RRAGB: variants seen among roughly 807,000 people sequenced by gnomAD.
The protein encoded by RRAGB is ras-related GTP-binding protein B.
Under a neutral mutation model 29.3 loss-of-function variants are expected in RRAGB, and 6 were observed. That is an observed-to-expected ratio of 0.21 (90% CI 0.11 to 0.40). RRAGB has a LOEUF of 0.40. Among genes scored for constraint, RRAGB ranks in the 10% least tolerant of loss-of-function variants. RRAGB has a pLI of 1.00. For synonymous variants in RRAGB, 101 were observed against 92.5 expected (o/e 1.09, Z -0.53); for missense variants, 184 against 272.9 (o/e 0.67, Z 2.29).
intron 3 of RRAGB, among the ~76,000 whole-genome samples, chrX:55,723,013 A>G (rs2033341280): frequency 9.0e-6 from 1 of 111,449 alleles, no homozygotes; most frequent in African/African-American, 3.3e-5. Context: ...TTTCAAGAAC[A>G]ACATTTTAAA....
chrX:55,732,161 C>CA (rs2033705248), intron 5 of RRAGB, among the ~76,000 whole-genome samples: 1 of 111,638 alleles, frequency 9.0e-6, no homozygotes, highest in Non-Finnish European at 1.9e-5. Context: ...CATTCCCCTA[C>CA]AAAAAAACAA....
chrX:55,743,674 C>T (rs1298478543), intron 5 of RRAGB, among the ~76,000 whole-genome samples: 1 of 112,364 alleles, frequency 8.9e-6, no homozygotes, highest in Non-Finnish European at 1.9e-5. Flanking sequence ...ACATTTTTCA[C>T]CCATTCAGAA....
At chrX:55,734,954 T>G (rs1270831382) in intron 5 of RRAGB, among the ~76,000 whole-genome samples, 9 of 112,605 alleles carry the variant, frequency 8.0e-5, no homozygotes, top group Non-Finnish European at 1.5e-4. Context: ...TGGAATTGAT[T>G]TCTGGTTTTA....
intron 2 of RRAGB, among the ~76,000 whole-genome samples, chrX:55,721,848 A>G (rs2033290776): frequency 8.9e-6 from 1 of 112,625 alleles, no homozygotes; most frequent in African/African-American, 3.2e-5. Context: ...ACATTGGGTT[A>G]TGATAGAACA....
chrX:55,727,269 T>C (rs771874439), intron 3 of RRAGB: 1 of 1,152,321 alleles, frequency 8.7e-7, no homozygotes, highest in Non-Finnish European at 1.2e-6. Context: ...TTATTGTCTT[T>C]CCCTTTCTCA....
At chrX:55,740,322 C>CAAAAAAAAAAAAA (rs542846613) in intron 5 of RRAGB, among the ~76,000 whole-genome samples, 1 of 92,441 alleles carries the variant, frequency 1.1e-5, no homozygotes, top group African/African-American at 4.0e-5. Flanking sequence ...GACTCCATCT[C>CAAAAAAAAAAAAA]AAAAAAAAAA....
chrX:55,744,268 C>T (rs1251709186), intron 5 of RRAGB, among the ~76,000 whole-genome samples: 5 of 106,537 alleles, frequency 4.7e-5, no homozygotes, highest in African/African-American at 1.0e-4. Flanking sequence ...GTGTGCCATG[C>T]GCCTGTAGTC....
In RRAGB at chrX:55,742,275, A is replaced by G. The variant is rs533015770; in HGVS notation, c.517-8826A>G. Among the ~76,000 whole-genome samples the G allele has an allele frequency of 2.8e-4, 32 of 112,534 alleles. No individual in the cohort carries two copies. In the South Asian group the frequency reaches 0.011, roughly 38 times the overall value. ...GTCACGTGATTTTTAACTGGTCTTT[A>G]TAACTGCCTTATTCAGTTCCAGATT... On this transcript the variant is annotated intron_variant, in intron 5 of 9. Transcript: ENST00000374941.
intron 5 of RRAGB, among the ~76,000 whole-genome samples, chrX:55,741,604 T>C (rs745386220): frequency 4.5e-5 from 5 of 111,682 alleles, no homozygotes; most frequent in African/African-American, 1.6e-4. Flanking sequence ...TATCTTAGGG[T>C]TCTCCAGGGA....
At chrX:55,727,308 A>G (rs889555101) in intron 3 of RRAGB, 14 of 1,165,523 alleles carry the variant, frequency 1.2e-5, no homozygotes, top group Non-Finnish European at 1.6e-5. Context: ...TTTTTTTAGT[A>G]CTAGACCGTA....
chrX:55,758,374 TAA>T lies in RRAGB; in HGVS notation c.*34_*35del, dbSNP rs771252851. 10 of 1,024,624 alleles carry T rather than the reference TAA, an allele frequency of 9.8e-6. No homozygotes were observed. The highest frequency in any genetic ancestry group is 1.4e-5 in the Non-Finnish European group (10 of 737,140). The allele number at this position is 1,024,624 out of a possible 1,213,427, so 84.4% of individuals were successfully genotyped here. On this transcript the variant is annotated 3_prime_UTR_variant, in exon 10 of 10. Coordinates refer to ENST00000374941, the MANE Select transcript of RRAGB (RefSeq NM_006064.5). ...GATGAATATTGTTTCACACAAAAATTAAAAGTTTCCTAATTAATGTTGTATTC... is the reference window on the plus strand; with the variant it reads ...GATGAATATTGTTTCACACAAAAATTAAGTTTCCTAATTAATGTTGTATTC...
intron 4 of RRAGB, among the ~76,000 whole-genome samples, chrX:55,730,676 T>A (rs981626353): frequency 2.7e-5 from 3 of 111,891 alleles, no homozygotes; most frequent in Non-Finnish European, 3.8e-5. Context: ...ACTATTGAGT[T>A]ATTCATTCAG....
chrX:55,741,365 G>A (rs1485282146), intron 5 of RRAGB, among the ~76,000 whole-genome samples: 2 of 111,616 alleles, frequency 1.8e-5, no homozygotes, highest in African/African-American at 3.3e-5. Context: ...TTTTGAACTC[G>A]AATAAGAAAA....
At chrX:55,731,340 C>CTA (rs778636933) in intron 4 of RRAGB, 24 bp from the exon 5 acceptor site, 27 of 1,098,864 alleles carry the variant, frequency 2.5e-5, no homozygotes, top group South Asian at 1.6e-4. Flanking sequence ...GATTTGCTTA[C>CTA]TATATATATA....
At chrX:55,739,557 C>T (rs2033980307) in intron 5 of RRAGB, among the ~76,000 whole-genome samples, 1 of 112,140 alleles carries the variant, frequency 8.9e-6, no homozygotes. Flanking sequence ...CTGGCTTGCT[C>T]AGCTTCTCAG....
chrX:55,738,140 GGT>G (rs1335627091), intron 5 of RRAGB, among the ~76,000 whole-genome samples: 1 of 111,938 alleles, frequency 8.9e-6, no homozygotes, highest in Non-Finnish European at 1.9e-5. Context: ...TTTCTTTTTT[GGT>G]GTGTCACAGA....
At chrX:55,726,403 T>G (rs1029450768) in intron 3 of RRAGB, among the ~76,000 whole-genome samples, 1 of 111,395 alleles carries the variant, frequency 9.0e-6, no homozygotes, top group Non-Finnish European at 1.9e-5. Context: ...TTTTTCTGTT[T>G]AAAGAAGAAT....
chrX:55,727,540 C>A (rs965609405), intron 3 of RRAGB: 2 of 371,900 alleles, frequency 5.4e-6, no homozygotes, highest in East Asian at 8.8e-5. Context: ...CCCGCCCCCC[C>A]GCTTTCTTTT....
chrX:55,751,145 A>G lies in RRAGB; in HGVS notation c.561A>G (p.Pro187=), dbSNP rs750213637. ...REEDLRRLSR[P]LECSCFRTSI... Reference sequence around the variant, plus strand: ...AAGATTTGAGGCGTTTGTCTCGCCCATTGGAATGTTCTTGTTTCCGAACAT... The same window carrying G: ...AAGATTTGAGGCGTTTGTCTCGCCCGTTGGAATGTTCTTGTTTCCGAACAT... The change falls in exon 6 of 10, where the codon CCA becomes CCG. Residue 187 remains proline (P), a synonymous_variant. Coordinates refer to ENST00000374941, the MANE Select transcript of RRAGB (RefSeq NM_006064.5). 1.7e-6 allele frequency: 2 copies of G among 1,202,194 alleles called. No individual in the cohort carries two copies. The highest frequency in any genetic ancestry group is 1.8e-5 in the South Asian group (1 of 56,445).
Sources: gnomAD v4.1 joint callset for allele counts (sites outside exome capture counted in the v4.1 genomes callset) on GRCh38, gnomAD v4.1.1 for gene constraint, MANE v1.5 for transcripts, NCBI Gene and HGNC (gene_info 2026-07-23, HGNC 2026-07-21) for gene names.